Variants in NEXMIF observed in about 807,000 individuals in gnomAD.
NEXMIF encodes XLMR protein related to neurite extension.
Under a neutral mutation model 62.1 loss-of-function variants are expected in NEXMIF, and 8 were observed. The observed-to-expected ratio is 0.13, with a 90% confidence interval of 0.08 to 0.23. The LOEUF (loss-of-function observed/expected upper bound fraction) is 0.23, where lower values mean the gene tolerates loss of function less well. Among genes scored for constraint, NEXMIF ranks in the 10% least tolerant of loss-of-function variants. The probability of loss-of-function intolerance (pLI) is 1.00; values close to 1 mark genes in which losing one functional copy is unlikely to be tolerated. For missense variants in NEXMIF, 976 were observed against 1,113.3 expected, an observed-to-expected ratio of 0.88 and a Z score of 1.75; for synonymous variants, 404 against 416.6, an observed-to-expected ratio of 0.97 and a Z score of 0.37.
At chrX:74,855,010 T>C (rs2080529715) in intron 1 of NEXMIF, among the ~76,000 whole-genome samples, 1 of 111,081 alleles carries the variant, frequency 9.0e-6, no homozygotes, top group African/African-American at 3.3e-5. Context: ...ATGTAAAAAA[T>C]AATTTCAGTC....
chrX:74,853,008 G>T (rs1249047250), intron 1 of NEXMIF, among the ~76,000 whole-genome samples: 1 of 110,452 alleles, frequency 9.1e-6, no homozygotes, highest in Non-Finnish European at 1.9e-5. Flanking sequence ...AAAATGAAAA[G>T]TTTTTTTTCA....
chrX:74,771,024 A>G (rs1217400837), intron 1 of NEXMIF, among the ~76,000 whole-genome samples: 2 of 112,221 alleles, frequency 1.8e-5, no homozygotes, highest in Non-Finnish European at 3.8e-5. Flanking sequence ...GTTATATAAC[A>G]TTCTATCGTC....
chrX:74,787,105 A>C (rs2080262869), intron 1 of NEXMIF, among the ~76,000 whole-genome samples: 1 of 69,709 alleles, frequency 1.4e-5, no homozygotes. Flanking sequence ...CCAAAAATAC[A>C]AAAAAAAAAA....
intron 1 of NEXMIF, among the ~76,000 whole-genome samples, chrX:74,876,199 C>T (rs187228793): frequency 0.036 from 3,994 of 110,825 alleles, 87 homozygotes; most frequent in Non-Finnish European, 0.056. Flanking sequence ...TGTCTTTGTT[C>T]TCGTTGGTTT....
At chrX:74,897,606 C>G (rs2080736686) in intron 1 of NEXMIF, among the ~76,000 whole-genome samples, 1 of 110,919 alleles carries the variant, frequency 9.0e-6, no homozygotes, top group African/African-American at 3.3e-5. Flanking sequence ...AAGAAAGCTG[C>G]TAGATGAGTA....
chrX:74,761,886 C>T (rs933445240), intron 1 of NEXMIF, among the ~76,000 whole-genome samples: 1 of 111,203 alleles, frequency 9.0e-6, no homozygotes, highest in Non-Finnish European at 1.9e-5. Flanking sequence ...CACCGCGTCC[C>T]AGAGACTCTA....
At chrX:74,905,048 G>C (rs6647567) in intron 1 of NEXMIF, among the ~76,000 whole-genome samples, 16,210 of 110,670 alleles carry the variant, frequency 0.15, 1,793 homozygotes, top group East Asian at 0.91. Flanking sequence ...CTGTAATGTG[G>C]TTACATATTA....
intron 2 of NEXMIF, 42 bp from the exon 3 acceptor site, chrX:74,744,519 T>A: frequency 1.0e-6 from 1 of 992,576 alleles, no homozygotes; most frequent in African/African-American, 1.9e-5. Flanking sequence ...AAATTAAGAG[T>A]CTTAGACCAG....
intron 1 of NEXMIF, among the ~76,000 whole-genome samples, chrX:74,775,095 C>A (rs933677695): frequency 8.1e-5 from 9 of 111,566 alleles, no homozygotes; most frequent in Non-Finnish European, 1.5e-4. Context: ...TTTTCCCCCA[C>A]ATCAGCTAAT....
intron 1 of NEXMIF, among the ~76,000 whole-genome samples, chrX:74,905,793 G>C (rs2080765950): frequency 9.1e-6 from 1 of 110,478 alleles, no homozygotes; most frequent in Non-Finnish European, 1.9e-5. Flanking sequence ...CTGGGCAACA[G>C]AGCGAGACTC....
chrX:74,767,786 G>A, intron 1 of NEXMIF, among the ~76,000 whole-genome samples: 1 of 111,911 alleles, frequency 8.9e-6, no homozygotes, highest in African/African-American at 3.2e-5. Flanking sequence ...GGCAATAACA[G>A]CAAAGATGGT....
In NEXMIF at chrX:74,741,197, T is replaced by C; in HGVS notation, c.3360A>G (p.Ser1120=). ...ATCCATCCTCCATTTGGACCTGCCG[T>C]GAAAGGGTACTGCAGTCCCACTTGA... is the stretch of plus-strand genomic sequence containing the variant. ...EKIKWDCSTL[S]RQVQMEDGFT... Residue 1120 remains serine, a synonymous_variant, in exon 3 of 4, where the codon TCA becomes TCG. Transcript: ENST00000055682. The C allele has an allele frequency of 8.3e-7, 1 of 1,211,603 alleles. No individual in the cohort carries two copies. Among genetic ancestry groups the C allele is most frequent in the Non-Finnish European group, 1.1e-6 (1 of 895,451 alleles).
intron 1 of NEXMIF, among the ~76,000 whole-genome samples, chrX:74,784,754 G>A (rs2080255909): frequency 1.8e-5 from 2 of 110,984 alleles, no homozygotes; most frequent in Admixed American, 1.9e-4. Flanking sequence ...GCCAGCTCCT[G>A]GGAACTGAGG....
chrX:74,834,757 T>A (rs971180986), intron 1 of NEXMIF, among the ~76,000 whole-genome samples: 1 of 111,428 alleles, frequency 9.0e-6, no homozygotes, highest in Non-Finnish European at 1.9e-5. Context: ...CTTTAGGAGG[T>A]TTGATTATTA....
chrX:74,751,815 CCCTT>C (rs1424921609), intron 1 of NEXMIF, among the ~76,000 whole-genome samples: 2 of 91,386 alleles, frequency 2.2e-5, no homozygotes, highest in African/African-American at 8.0e-5. Flanking sequence ...CCTCCCTCCT[CCCTT>C]CCTTCCCTTC....
chrX:74,885,373 A>T (rs766750641), intron 1 of NEXMIF, among the ~76,000 whole-genome samples: 1 of 111,696 alleles, frequency 9.0e-6, no homozygotes, highest in Admixed American at 9.6e-5. Flanking sequence ...TTTTTTGAAA[A>T]GATCAACAAA....
intron 1 of NEXMIF, among the ~76,000 whole-genome samples, chrX:74,855,096 C>A (rs1318269008): frequency 9.0e-6 from 1 of 111,632 alleles, no homozygotes. Flanking sequence ...TCAAAGTAGT[C>A]CAAGTAGCCA....
intron 1 of NEXMIF, among the ~76,000 whole-genome samples, chrX:74,873,917 A>G (rs1470280156): frequency 9.0e-6 from 1 of 111,236 alleles, no homozygotes; most frequent in East Asian, 2.8e-4. Flanking sequence ...AGTAGGTTGC[A>G]AAAATTTTCT....
intron 1 of NEXMIF, among the ~76,000 whole-genome samples, chrX:74,852,011 T>C (rs1447296408): frequency 9.0e-6 from 1 of 110,581 alleles, no homozygotes; most frequent in Non-Finnish European, 1.9e-5. Context: ...ACTTAAAAGA[T>C]ATAGATGGGC....
Sources: gnomAD v4.1 joint callset for allele counts (sites outside exome capture counted in the v4.1 genomes callset) on GRCh38, gnomAD v4.1.1 for gene constraint, MANE v1.5 for transcripts, NCBI Gene and HGNC (gene_info 2026-07-23, HGNC 2026-07-21) for gene names.